The following SLC45A1 variants were observed in gnomAD, a reference collection of about 807,000 sequenced individuals.
SLC45A1 encodes the protein solute carrier family 45 member 1, also known as proton-associated sugar transporter A.
SLC45A1 carries 28 observed loss-of-function variants against 57.6 expected under a neutral mutation model. That is an observed-to-expected ratio of 0.49 (90% CI 0.36 to 0.67). The LOEUF (loss-of-function observed/expected upper bound fraction) is 0.67. Ranked by LOEUF, SLC45A1 falls within the 30% of genes least tolerant of loss-of-function variation. The probability of loss-of-function intolerance (pLI) is 0.00; values close to 1 mark genes in which losing one functional copy is unlikely to be tolerated. For synonymous variants in SLC45A1, 459 were observed against 471.5 expected, an observed-to-expected ratio of 0.97 and a Z score of 0.34; for missense variants, 814 against 1,041.5, an observed-to-expected ratio of 0.78 and a Z score of 3.01.
chr1:8,333,454 G>C (rs1640482744), intron 5 of SLC45A1, among the ~76,000 whole-genome samples: 1 of 151,662 alleles, frequency 6.6e-6, no homozygotes, highest in South Asian at 2.1e-4. Context: ...GTTTTGTTTT[G>C]ATACAGGGTC....
At chr1:8,334,017 C>T (rs879794406) in intron 5 of SLC45A1, among the ~76,000 whole-genome samples, 5 of 152,204 alleles carry the variant, frequency 3.3e-5, no homozygotes, top group African/African-American at 4.8e-5. Flanking sequence ...TTGAGGGCAC[C>T]GTCAGCCTCA....
rs374669859 is a variant in SLC45A1, at chr1:8,337,886, C to T, written c.1668C>T (p.Asp556=). The change falls in exon 7 of 9, where the codon GAC becomes GAT. Residue 556 remains aspartate (D), a synonymous_variant. Coordinates refer to ENST00000471889, the MANE Select transcript of SLC45A1 (RefSeq NM_001080397.3). The part of the protein sequence containing the change: ...DFMGEVVFQG[D]PKAPHTSEAY... ...TGGGCGAGGTGGTGTTTCAGGGGGA[C>T]CCCAAGGCCCCGCACACATCAGAGG... is the stretch of plus-strand genomic sequence containing the variant. The T allele has an allele frequency of 1.1e-4, 177 of 1,614,088 alleles. No homozygotes were observed. Among genetic ancestry groups the T allele is most frequent in the Middle Eastern group, 3.3e-4 (2 of 6,084 alleles).
chr1:8,340,680 G>A (rs964272798), intron 8 of SLC45A1, among the ~76,000 whole-genome samples: 3 of 152,074 alleles, frequency 2.0e-5, no homozygotes, highest in African/African-American at 4.8e-5. Context: ...CCCATCAACC[G>A]TGGGTATTAG....
At position 8,335,451 on chromosome 1, in the gene SLC45A1, G is replaced by A; in HGVS notation, c.1458G>A (p.Leu486=). ...GCTCTTCCCAGGTGGCCAATATCCT[G>A]CTCAACGGCGTGAAGTATGAGAGCG... is the stretch of plus-strand genomic sequence containing the variant. The part of the protein sequence containing the change: ...VTFSQQVANI[L]LNGVKYESEL... Residue 486 remains leucine, a synonymous_variant, in exon 6 of 9, where the codon CTG becomes CTA. Transcript: ENST00000471889. This position sits in a 1 kb window ranked among gnomAD's most constrained non-coding sequence, Gnocchi z 4.1. 1 of 1,594,356 alleles carries A rather than the reference G, an allele frequency of 6.3e-7. No individual in the cohort carries two copies. Among genetic ancestry groups the A allele is most frequent in the Non-Finnish European group, 8.5e-7 (1 of 1,176,480 alleles).
chr1:8,343,842 C>A lies in SLC45A1; in HGVS notation c.2076C>A (p.Ser692=), dbSNP rs1455279150. 1 of 1,614,156 alleles carries A rather than the reference C, an allele frequency of 6.2e-7. No individual in the cohort carries two copies. Among genetic ancestry groups the A allele is most frequent in the African/African-American group, 1.3e-5 (1 of 75,042 alleles). The stretch of plus-strand genomic sequence containing the variant: ...ACTTCCTGGCTCAGATTCTGGTCTC[C>A]CTGGTCCTGGGGCCCCTGACCTCGG... The part of the protein sequence containing the change: ...CQYFLAQILV[S]LVLGPLTSAV... Residue 692 remains serine (S), a synonymous_variant, in exon 9 of 9, where the codon TCC becomes TCA. Coordinates refer to ENST00000471889, the MANE Select transcript of SLC45A1 (RefSeq NM_001080397.3). This position sits in a 1 kb window ranked among gnomAD's most constrained non-coding sequence, Gnocchi z 7.7.
intron 5 of SLC45A1, 116 bp downstream of exon 5, chr1:8,331,052 G>A (rs893735028): frequency 7.4e-6 from 10 of 1,350,606 alleles, no homozygotes; most frequent in East Asian, 2.3e-5. Flanking sequence ...GCTGTTATGG[G>A]GGTGTTATCA....
In SLC45A1 at chr1:8,327,862, C is replaced by T. The variant is rs557335076; in HGVS notation, c.715+1820C>T. ...CCTGGCCAACATGACAAAATCCCAT[C>T]TCTACTAAAAATACAAAAAATTAGC... is the stretch of plus-strand genomic sequence containing the variant. On this transcript the variant is annotated intron_variant, in intron 4 of 8. Transcript: ENST00000471889. This position sits in a 1 kb window ranked among gnomAD's most constrained non-coding sequence, Gnocchi z 4.3. Among the ~76,000 whole-genome samples, 3 of 152,208 alleles carry T rather than the reference C, an allele frequency of 2.0e-5. No individual in the cohort carries two copies. The highest frequency in any genetic ancestry group is 2.0e-4 in the Admixed American group (3 of 15,284).
In SLC45A1 at chr1:8,328,503, A is replaced by G. The variant is rs369165647; in HGVS notation, c.716-1706A>G. On this transcript the variant is annotated intron_variant, in intron 4 of 8. Transcript: ENST00000471889. The surrounding 1 kb of genome is among the most constrained non-coding windows in gnomAD (Gnocchi z 4.6). ...GTCGGTTTTTACCTTACGCCCGTCT[A>G]TGAGAATGCACCACTTTGATCATTC... is the stretch of plus-strand genomic sequence containing the variant. 2.0e-5 allele frequency among the ~76,000 whole-genome samples: 3 copies of G among 152,312 alleles called. No homozygotes were observed. Among genetic ancestry groups the G allele is most frequent in the African/African-American group, 7.2e-5 (3 of 41,558 alleles).
At position 8,325,171 on chromosome 1, in the gene SLC45A1, CAT is replaced by C; in HGVS notation, c.398-126_398-125del. On this transcript the variant is annotated intron_variant, in intron 2 of 8. Transcript: ENST00000471889. This position sits in a 1 kb window ranked among gnomAD's most constrained non-coding sequence, Gnocchi z 6.3. ...TTCAGGGTTTTGTCACTGACTGTTT[CAT>C]CATCTTATTCTTTTGATGCACTGGG... is the stretch of plus-strand genomic sequence containing the variant. 3 of 644,310 alleles carry C rather than the reference CAT, an allele frequency of 4.7e-6. No individual in the cohort carries two copies. The East Asian group carries it at 8.0e-5, about 17-fold the overall frequency. 39.9% of individuals were successfully genotyped at this position (644,310 alleles called of 1,614,324 possible).
At chr1:8,331,942 G>A (rs895019055) in intron 5 of SLC45A1, among the ~76,000 whole-genome samples, 19 of 152,168 alleles carry the variant, frequency 1.2e-4, no homozygotes, top group Admixed American at 5.9e-4. Context: ...ACAGGCGCCC[G>A]CCACCACTCC....
In SLC45A1 at chr1:8,335,304, C is replaced by T. The variant is rs1640570023; in HGVS notation, c.1444-133C>T. ...GTTGGCGTCGACACGGGGCTCATGC[C>T]GTCAGATAAGAAGACAGACCCTTGC... On this transcript the variant is annotated intron_variant, in intron 5 of 8. Transcript: ENST00000471889. The surrounding 1 kb of genome is among the most constrained non-coding windows in gnomAD (Gnocchi z 4.1). The T allele has an allele frequency of 1.2e-5, 10 of 863,032 alleles. No homozygotes were observed. Among genetic ancestry groups the T allele is most frequent in the South Asian group, 4.4e-5 (2 of 45,162 alleles). 53.5% of individuals were successfully genotyped at this position (863,032 alleles called of 1,614,324 possible). A position where few individuals can be genotyped will look rare whatever the true frequency, so the allele number is the denominator to read the frequency against.
Position 8,330,863 on chromosome 1 carries a change from T to C in SLC45A1, c.1370T>C (p.Leu457Ser), listed in dbSNP as rs1287668106. 2 of 1,611,268 alleles carry C rather than the reference T, an allele frequency of 1.2e-6. No individual in the cohort carries two copies. Among genetic ancestry groups the C allele is most frequent in the Non-Finnish European group, 1.7e-6 (2 of 1,178,430 alleles). Residue 457 changes from leucine to serine, a missense_variant, in exon 5 of 9, where the codon TTG (leucine) becomes TCG (serine). Leu to Ser is a moderately radical substitution (Grantham distance 145). Transcript: ENST00000471889. The surrounding 1 kb of genome is among the most constrained non-coding windows in gnomAD (Gnocchi z 8.4). The stretch of plus-strand genomic sequence containing the variant: ...GGGATTCTGAAGAGACCTCAGACCT[T>C]GGCCATCCCGGACGCAGCCGGAGGA... ...SSGILKRPQTLAIPDAAGGGG... is the reference protein window; with the variant it reads ...SSGILKRPQTSAIPDAAGGGG...
chr1:8,327,901 C>T lies in SLC45A1; in HGVS notation c.715+1859C>T, dbSNP rs961747920. Among the ~76,000 whole-genome samples, 2 of 152,002 alleles carry T rather than the reference C, an allele frequency of 1.3e-5. No homozygotes were observed. The highest frequency in any genetic ancestry group is 2.9e-5 in the Non-Finnish European group (2 of 67,990). On this transcript the variant is annotated intron_variant, in intron 4 of 8. Transcript: ENST00000471889. The surrounding 1 kb of genome is among the most constrained non-coding windows in gnomAD (Gnocchi z 4.3). ...CAAAAAATTAGCCTGGCATGTGGTGCGCACCTGTAGTCCCAGCTACTCGGG... is the reference window on the plus strand; with the variant it reads ...CAAAAAATTAGCCTGGCATGTGGTGTGCACCTGTAGTCCCAGCTACTCGGG...
At chr1:8,338,457 G>T (rs1640695014) in intron 7 of SLC45A1, among the ~76,000 whole-genome samples, 1 of 152,258 alleles carries the variant, frequency 6.6e-6, no homozygotes, top group Admixed American at 6.5e-5. Context: ...CTCTGTCTGG[G>T]GTACCCTTGG....
chr1:8,321,419 A>AAGG (rs1640005982), intron 1 of SLC45A1, among the ~76,000 whole-genome samples: 1 of 65,030 alleles, frequency 1.5e-5, no homozygotes, highest in Non-Finnish European at 4.0e-5. Flanking sequence ...GCAAGGCTTC[A>AAGG]AGGCCCTCCA....
Position 8,318,176 on chromosome 1 carries a change from TC to T in SLC45A1, c.-33del, listed in dbSNP as rs1366251001. On this transcript the variant is annotated 5_prime_UTR_variant, in exon 1 of 9. Transcript: ENST00000471889. Reference sequence around the variant, plus strand: ...AGCGGGGACAGGGATGCCTGCCGTCTCCACCCACAGGTACCACCGTCTCCTC... The same window carrying T: ...AGCGGGGACAGGGATGCCTGCCGTCTCACCCACAGGTACCACCGTCTCCTC... 19 of 443,620 alleles carry T rather than the reference TC, an allele frequency of 4.3e-5. No individual in the cohort carries two copies. The East Asian group carries it at 6.8e-4, about 16-fold the overall frequency. The allele number at this position is 443,620 out of a possible 1,614,324, so 27.5% of individuals were successfully genotyped here.
intron 1 of SLC45A1, among the ~76,000 whole-genome samples, chr1:8,322,901 C>T (rs1246850098): frequency 6.6e-6 from 1 of 152,152 alleles, no homozygotes; most frequent in South Asian, 2.1e-4. Flanking sequence ...ATGTTGGTAT[C>T]TGTCTCTTTC....
intron 7 of SLC45A1, among the ~76,000 whole-genome samples, chr1:8,338,678 GC>G (rs1640704143): frequency 6.6e-6 from 1 of 152,262 alleles, no homozygotes; most frequent in Admixed American, 6.5e-5. Context: ...GAGTGGGCGT[GC>G]CAAGCGCCAA....
At chr1:8,323,303 C>T (rs1000835051) in intron 1 of SLC45A1, among the ~76,000 whole-genome samples, 2 of 151,940 alleles carry the variant, frequency 1.3e-5, no homozygotes, top group Non-Finnish European at 2.9e-5. Flanking sequence ...CCATCCTGGC[C>T]AACATGATGA....
Sources: gnomAD v4.1 joint callset for allele counts (sites outside exome capture counted in the v4.1 genomes callset) on GRCh38, gnomAD v4.1.1 for gene constraint, Gnocchi (gnomAD v3.1) non-coding constraint, MANE v1.5 for transcripts, NCBI Gene and HGNC (gene_info 2026-07-23, HGNC 2026-07-21) for gene names.